The following SLC24A2 variants were observed in gnomAD, a reference collection of about 807,000 sequenced individuals.
SLC24A2 encodes the protein sodium/potassium/calcium exchanger 2.
A neutral mutation model predicts 62.0 loss-of-function variants in SLC24A2; 36 were observed. The observed-to-expected ratio is 0.58, with a 90% confidence interval of 0.44 to 0.77. The LOEUF is 0.77. SLC24A2 is among the 30% of genes least tolerant of loss of function. The pLI is 0.00. For missense variants in SLC24A2, 846 were observed against 817.9 expected, an observed-to-expected ratio of 1.03 and a Z score of -0.42; for synonymous variants, 358 against 294.0, an observed-to-expected ratio of 1.22 and a Z score of -2.23.
intron 7 of SLC24A2, among the ~76,000 whole-genome samples, chr9:19,571,581 G>T (rs1265231234): frequency 1.3e-5 from 2 of 152,118 alleles, no homozygotes; most frequent in African/African-American, 4.8e-5. Context: ...CATCACTGGG[G>T]AGCTCATTAG....
At chr9:20,135,282 ATTTAATTTTTAATTACAATTTAAAAT>A in the SLC24A2 span, among the ~76,000 whole-genome samples, 674 of 146,974 alleles carry the variant, frequency 4.6e-3, 37 homozygotes, top group Middle Eastern at 6.9e-3. Flanking sequence ...TATTTTTTAA[ATTTAATTTTTAATTACAATTTAAAAT>A]TTTAATTTTT....
intron 5 of SLC24A2, among the ~76,000 whole-genome samples, chr9:19,577,572 A>G (rs1283826387): frequency 1.3e-5 from 2 of 152,212 alleles, no homozygotes; most frequent in Admixed American, 6.5e-5. Flanking sequence ...TTTCTAAACG[A>G]GTAAGGAACA....
intron 5 of SLC24A2, 104 bp from the exon 6 acceptor site, chr9:19,577,126 G>T: frequency 2.3e-6 from 2 of 875,088 alleles, no homozygotes; most frequent in South Asian, 1.3e-5. Context: ...CTAATAGCGT[G>T]ACCACTCCAT....
At chr9:20,091,584 G>T in the SLC24A2 span, among the ~76,000 whole-genome samples, 26 of 152,054 alleles carry the variant, frequency 1.7e-4, 1 homozygote, top group African/African-American at 5.8e-4. Flanking sequence ...CTTCAACCAA[G>T]AATTTTATAT....
At chr9:19,536,157 T>C (rs913768333) in intron 8 of SLC24A2, among the ~76,000 whole-genome samples, 1 of 151,338 alleles carries the variant, frequency 6.6e-6, no homozygotes, top group Non-Finnish European at 1.5e-5. Flanking sequence ...TTTTTTTTTT[T>C]ATCTGATTCT....
intron 8 of SLC24A2, among the ~76,000 whole-genome samples, chr9:19,533,551 G>A (rs901809609): frequency 6.6e-6 from 1 of 152,092 alleles, no homozygotes; most frequent in Non-Finnish European, 1.5e-5. Context: ...TGCTGCTCTC[G>A]GCACTTTGCC....
At chr9:19,947,213 G>C in the SLC24A2 span, among the ~76,000 whole-genome samples, 1 of 152,260 alleles carries the variant, frequency 6.6e-6, no homozygotes, top group Admixed American at 6.5e-5. Context: ...CAAATGGATT[G>C]GCTGTGCTGT....
chr9:19,515,149 A>T lies in SLC24A2; in HGVS notation c.*1004T>A, dbSNP rs950251495. On this transcript the variant is annotated 3_prime_UTR_variant, in exon 11 of 11. Transcript: ENST00000341998. Reference sequence around the variant, plus strand: ...ATGATAATGGGACATGCGCTGGAAAAATACAGGTTCAGTTTATATAGTCTT... The same window carrying T: ...ATGATAATGGGACATGCGCTGGAAATATACAGGTTCAGTTTATATAGTCTT... 2 of 152,274 alleles carry T rather than the reference A, an allele frequency of 1.3e-5. No individual in the cohort carries two copies. The highest frequency in any genetic ancestry group is 3.9e-4 in the East Asian group (2 of 5,178). The allele number at this position is 152,274 out of a possible 1,614,324, so 9.4% of individuals were successfully genotyped here. A position where few individuals can be genotyped will look rare whatever the true frequency, so the allele number is the denominator to read the frequency against.
the SLC24A2 span, among the ~76,000 whole-genome samples, chr9:19,993,838 A>C: frequency 6.6e-6 from 1 of 152,228 alleles, no homozygotes; most frequent in African/African-American, 2.4e-5. Context: ...CTTGAACTTC[A>C]TGCTAGTGAT....
At chr9:19,530,438 T>G (rs376567572) in intron 8 of SLC24A2, among the ~76,000 whole-genome samples, 1 of 152,218 alleles carries the variant, frequency 6.6e-6, no homozygotes, top group Admixed American at 6.5e-5. Flanking sequence ...TTTCATAGAT[T>G]GCTCGTTTTC....
At chr9:19,706,637 C>A (rs1412739804) in intron 2 of SLC24A2, among the ~76,000 whole-genome samples, 1 of 152,144 alleles carries the variant, frequency 6.6e-6, no homozygotes, top group Non-Finnish European at 1.5e-5. Flanking sequence ...CTCGGCCTCC[C>A]AAAGTGCTGG....
the SLC24A2 span, among the ~76,000 whole-genome samples, chr9:20,045,983 A>G: frequency 6.6e-6 from 1 of 152,190 alleles, no homozygotes; most frequent in Non-Finnish European, 1.5e-5. Context: ...GTGCCTTAGC[A>G]GGCAACAAAG....
the SLC24A2 span, among the ~76,000 whole-genome samples, chr9:20,296,031 G>T: frequency 1.3e-5 from 2 of 152,168 alleles, no homozygotes; most frequent in Non-Finnish European, 2.9e-5. Flanking sequence ...GAAGAGATCT[G>T]TGAAAGTTGT....
At chr9:20,127,010 A>T in the SLC24A2 span, among the ~76,000 whole-genome samples, 1 of 152,178 alleles carries the variant, frequency 6.6e-6, no homozygotes. Context: ...TTAAAACCAG[A>T]TCAAACTTCA....
At chr9:19,700,588 T>G (rs1820327308) in intron 2 of SLC24A2, among the ~76,000 whole-genome samples, 1 of 152,146 alleles carries the variant, frequency 6.6e-6, no homozygotes, top group Non-Finnish European at 1.5e-5. Flanking sequence ...AGCCTGAAGT[T>G]TTCCACAGAA....
chr9:19,611,292 T>G (rs1837155287), intron 4 of SLC24A2, among the ~76,000 whole-genome samples: 4 of 132,788 alleles, frequency 3.0e-5, no homozygotes, highest in Admixed American at 8.1e-5. Flanking sequence ...GAGAGAAGGG[T>G]AGAGAAATGA....
chr9:19,975,062 G>A, the SLC24A2 span, among the ~76,000 whole-genome samples: 2 of 152,098 alleles, frequency 1.3e-5, no homozygotes, highest in South Asian at 4.1e-4. Flanking sequence ...TGGGTCACAT[G>A]GTCATCCCTA....
rs760167985 is a variant in SLC24A2 at position 19,786,701 on chromosome 9, T to C, written c.166A>G (p.Ile56Val). 1 of 1,612,074 alleles carries C rather than the reference T, an allele frequency of 6.2e-7. No individual in the cohort carries two copies. Among genetic ancestry groups the C allele is most frequent in the East Asian group, 2.2e-5 (1 of 44,846 alleles). ...LVAISTVSFS[I>V]SAFSETDTQS... The stretch of plus-strand genomic sequence containing the variant: ...GTATCTGTCTCAGAAAAGGCACTGA[T>C]TGAAAATGAGACAGTGCTAATGGCT... The change falls in exon 2 of 11, where the codon ATC becomes GTC. Residue 56 changes from isoleucine (I) to valine (V), a missense_variant. By Grantham distance (29) the Ile-to-Val change is conservative. Transcript: ENST00000341998. The surrounding 1 kb of genome is among the most constrained non-coding windows in gnomAD (Gnocchi z 5.0).
the SLC24A2 span, among the ~76,000 whole-genome samples, chr9:20,294,633 C>A: frequency 6.6e-6 from 1 of 152,128 alleles, no homozygotes; most frequent in Middle Eastern, 3.2e-3. Context: ...CTTTTAAAGA[C>A]ATCAGAAATC....
Sources: allele counts gnomAD v4.1 joint callset (sites outside exome capture counted in the v4.1 genomes callset), GRCh38; gene constraint gnomAD v4.1.1; non-coding constraint Gnocchi (gnomAD v3.1); transcripts MANE v1.5; gene names NCBI Gene and HGNC (gene_info 2026-07-23, HGNC 2026-07-21).